Variants in NIBAN1 observed in about 807,000 individuals in gnomAD.
NIBAN1 encodes niban apoptosis regulator 1, also known as protein Niban 1.
In NIBAN1, 81 loss-of-function variants were observed where a neutral mutation model predicts 75.1. That is an observed-to-expected ratio of 1.08 (90% CI 0.90 to 1.30). The LOEUF is 1.30. Among genes scored for constraint, NIBAN1 ranks in the 50% most tolerant of loss-of-function variants. NIBAN1 has a pLI of 0.00. For synonymous variants in NIBAN1, 436 were observed against 424.8 expected (o/e 1.03, Z -0.32); for missense variants, 1,133 against 1,128.1 (o/e 1.00, Z -0.06).
At chr1:184,878,663 C>A (rs547967603) in intron 5 of NIBAN1, among the ~76,000 whole-genome samples, 42 of 152,292 alleles carry the variant, frequency 2.8e-4, no homozygotes, top group African/African-American at 9.4e-4. Context: ...CTGGATCATG[C>A]AAACATATCA....
chr1:184,807,881 G>T (rs986771575), intron 10 of NIBAN1, 193 bp downstream of exon 10: 3 of 622,712 alleles, frequency 4.8e-6, no homozygotes, highest in Non-Finnish European at 5.8e-6. Flanking sequence ...GCTATGTCTT[G>T]TCTATGATGT....
intron 6 of NIBAN1, among the ~76,000 whole-genome samples, chr1:184,826,528 G>C: frequency 6.6e-6 from 1 of 152,114 alleles, no homozygotes; most frequent in East Asian, 1.9e-4. Context: ...GTGTGGTATG[G>C]GAAGAGTGAG....
intron 1 of NIBAN1, among the ~76,000 whole-genome samples, chr1:184,947,160 A>C (rs1338495910): frequency 6.6e-6 from 1 of 152,246 alleles, no homozygotes; most frequent in Non-Finnish European, 1.5e-5. Context: ...AGTCTTTGAG[A>C]TCTTTGTAAA....
intron 1 of NIBAN1, among the ~76,000 whole-genome samples, chr1:184,961,529 C>T (rs1039188201): frequency 1.3e-5 from 2 of 152,186 alleles, no homozygotes; most frequent in African/African-American, 4.8e-5. Context: ...CTTCGTGACA[C>T]TTATCAAAAT....
intron 5 of NIBAN1, among the ~76,000 whole-genome samples, chr1:184,843,889 T>C (rs1655364538): frequency 6.6e-6 from 1 of 152,228 alleles, no homozygotes. Context: ...ACACCCGGGT[T>C]ATCTTTCAGC....
In NIBAN1 at chr1:184,795,799, C is replaced by T. The variant is rs756841114; in HGVS notation, c.1965G>A (p.Val655=). The change falls in exon 14 of 14, where the codon GTG becomes GTA. Residue 655 remains valine, a synonymous_variant. Transcript: ENST00000367511. ...CGGGGTCATCCACTCTTGAAATAAT[C>T]ACCTGCTCAGTCCCATCTGGGGGTG... is the stretch of plus-strand genomic sequence containing the variant. The part of the protein sequence containing the change: ...PSPPPDGTEQ[V]IISRVDDPVV... 3.1e-6 allele frequency: 5 copies of T among 1,610,656 alleles called. No homozygotes were observed. The African/African-American group carries it at 6.7e-5, about 22-fold the overall frequency.
chr1:184,940,363 T>C (rs1037164107), intron 1 of NIBAN1, among the ~76,000 whole-genome samples: 21 of 152,208 alleles, frequency 1.4e-4, no homozygotes, highest in African/African-American at 5.1e-4. Context: ...GGAAGCATGA[T>C]AGTAAATAAA....
At chr1:184,829,654 G>T (rs2181240) in intron 6 of NIBAN1, among the ~76,000 whole-genome samples, 13,854 of 151,702 alleles carry the variant, frequency 0.091, 2,073 homozygotes, top group African/African-American at 0.32. Context: ...TTTTAGTAGA[G>T]ACAGGGTTTC....
chr1:184,936,859 G>A (rs141990553), intron 1 of NIBAN1, among the ~76,000 whole-genome samples: 1 of 152,088 alleles, frequency 6.6e-6, no homozygotes, highest in African/African-American at 2.4e-5. Flanking sequence ...CAGGGATTAG[G>A]ACCTGACATC....
At chr1:184,951,918 C>T (rs1658367955) in intron 1 of NIBAN1, among the ~76,000 whole-genome samples, 1 of 152,180 alleles carries the variant, frequency 6.6e-6, no homozygotes, top group Non-Finnish European at 1.5e-5. Flanking sequence ...GACCTCCCTG[C>T]TTCATCATCC....
At chr1:184,905,659 A>C (rs982483822) in intron 1 of NIBAN1, among the ~76,000 whole-genome samples, 10 of 152,156 alleles carry the variant, frequency 6.6e-5, no homozygotes, top group Non-Finnish European at 1.2e-4. Flanking sequence ...CAACCCGAGT[A>C]GAAACCTCTT....
intron 1 of NIBAN1, among the ~76,000 whole-genome samples, chr1:184,915,932 G>A (rs1462314014): frequency 2.0e-5 from 3 of 152,178 alleles, no homozygotes; most frequent in Non-Finnish European, 4.4e-5. Context: ...TCCTGAATAT[G>A]CTGTTGTTTC....
intron 11 of NIBAN1, among the ~76,000 whole-genome samples, chr1:184,805,701 G>A (rs1389940333): frequency 6.6e-6 from 1 of 152,154 alleles, no homozygotes; most frequent in Non-Finnish European, 1.5e-5. Context: ...CTCTATGAAG[G>A]CTGGGACGCG....
chr1:184,943,527 A>C (rs1658148399), intron 1 of NIBAN1, among the ~76,000 whole-genome samples: 1 of 152,214 alleles, frequency 6.6e-6, no homozygotes, highest in Non-Finnish European at 1.5e-5. Flanking sequence ...TGAATGACAC[A>C]GGAAAAAAAC....
At chr1:184,912,967 A>G (rs887051225) in intron 1 of NIBAN1, among the ~76,000 whole-genome samples, 5 of 152,106 alleles carry the variant, frequency 3.3e-5, no homozygotes, top group African/African-American at 7.2e-5. Context: ...TGGAGGTACA[A>G]TCCAGCAATC....
chr1:184,946,777 G>A (rs1026996673), intron 1 of NIBAN1, among the ~76,000 whole-genome samples: 1 of 152,132 alleles, frequency 6.6e-6, no homozygotes, highest in East Asian at 1.9e-4. Context: ...ACAACAGGAA[G>A]AAAAAGCTGC....
intron 1 of NIBAN1, among the ~76,000 whole-genome samples, chr1:184,906,688 A>G (rs2101999137): frequency 6.6e-6 from 1 of 152,336 alleles, no homozygotes. Flanking sequence ...AATTCTTTTC[A>G]AGCTTTTAAA....
intron 1 of NIBAN1, among the ~76,000 whole-genome samples, chr1:184,916,273 C>T (rs189367140): frequency 6.9e-4 from 105 of 151,266 alleles, no homozygotes; most frequent in East Asian, 6.2e-3. Context: ...TGTAGGGGAA[C>T]GAAAAAATGG....
At chr1:184,931,651 T>C (rs761968501) in intron 1 of NIBAN1, among the ~76,000 whole-genome samples, 2 of 152,188 alleles carry the variant, frequency 1.3e-5, no homozygotes, top group Admixed American at 6.5e-5. Context: ...ACAGGATCTA[T>C]AACAAAAGGT....
Sources: gnomAD v4.1 joint callset for allele counts (sites outside exome capture counted in the v4.1 genomes callset) on GRCh38, gnomAD v4.1.1 for gene constraint, MANE v1.5 for transcripts, NCBI Gene and HGNC (gene_info 2026-07-23, HGNC 2026-07-21) for gene names.